The following ESRP2 variants were observed in gnomAD, a reference collection of about 807,000 sequenced individuals.
The protein encoded by ESRP2 is epithelial splicing regulatory protein 2, also known as RNA binding motif protein 35A.
A neutral mutation model predicts 78.6 loss-of-function variants in ESRP2; 48 were observed. That is an observed-to-expected ratio of 0.61 (90% CI 0.48 to 0.78). The LOEUF is 0.78. Ranked by LOEUF, ESRP2 falls within the 30% of genes least tolerant of loss-of-function variation. The probability of loss-of-function intolerance (pLI) is 0.00; values close to 1 mark genes in which losing one functional copy is unlikely to be tolerated. For missense variants in ESRP2, 863 were observed against 965.9 expected, an observed-to-expected ratio of 0.89 and a Z score of 1.41; for synonymous variants, 383 against 406.7, an observed-to-expected ratio of 0.94 and a Z score of 0.70.
In ESRP2 at chr16:68,230,385, T is replaced by G; in HGVS notation, c.2064+4A>C. ...CGCCAGGCCCTCCGGCCACACAATC[T>G]CACCTGGTAGGCCTGGAAGACGCTG... On this transcript the variant is annotated splice_donor_region_variant and intron_variant, in intron 14 of 14. Coordinates refer to ENST00000473183, the MANE Select transcript of ESRP2 (RefSeq NM_024939.3). 6.2e-7 allele frequency: 1 copy of G among 1,613,878 alleles called. No individual in the cohort carries two copies. The highest frequency in any genetic ancestry group is 8.5e-7 in the Non-Finnish European group (1 of 1,179,862).
In ESRP2 at chr16:68,236,022, G is replaced by GGGC. The variant is rs752963598; in HGVS notation, c.21_23dup (p.Pro11dup). 3.5e-5 allele frequency: 51 copies of GGGC among 1,469,376 alleles called. No homozygotes were observed. The South Asian group carries it at 5.5e-4, about 16-fold the overall frequency. The allele number at this position is 1,469,376 out of a possible 1,614,324, so 91.0% of individuals were successfully genotyped here. On this transcript the variant is annotated inframe_insertion, in exon 1 of 15. Transcript: ENST00000473183. This position sits in a 1 kb window ranked among gnomAD's most constrained non-coding sequence, Gnocchi z 5.2. ...CCGCGGGGTCAGGGCCCGGGGGAGG[G>GGGC]GGCGGCGGCGGCGGCGGAGTCATGG...
rs2042144960 is a variant in ESRP2 at position 68,231,845 on chromosome 16, C to T, written c.1256G>A (p.Arg419Gln). ...LRRHKGMLGK[R>Q]YIELFRSTAA... is the part of the protein sequence containing the mutation. ...AGTGCTCCGGAAGAGTTCAATGTAT[C>T]GCTTACCCAGCATGCCCTTGTGCCT... Residue 419 changes from arginine to glutamine, a missense_variant, in exon 10 of 15, where the codon CGA becomes CAA. Coordinates refer to ENST00000473183, the MANE Select transcript of ESRP2 (RefSeq NM_024939.3). This position sits in a 1 kb window ranked among gnomAD's most constrained non-coding sequence, Gnocchi z 6.0. The T allele has an allele frequency of 1.9e-6, 3 of 1,613,900 alleles. No individual in the cohort carries two copies. The highest frequency in any genetic ancestry group is 2.5e-6 in the Non-Finnish European group (3 of 1,179,918).
In ESRP2 at chr16:68,235,795, C is replaced by T; in HGVS notation, c.199-33G>A. On this transcript the variant is annotated intron_variant, in intron 1 of 14. Transcript: ENST00000473183. The surrounding 1 kb of genome is among the most constrained non-coding windows in gnomAD (Gnocchi z 5.5). ...CGGCGGGGGAAACCGATCAGCCGCG[C>T]CCCTCGACCCCGGAAGCTCCCTGGG... is the stretch of plus-strand genomic sequence containing the variant. 1 of 1,609,834 alleles carries T rather than the reference C, an allele frequency of 6.2e-7. No individual in the cohort carries two copies. The highest frequency in any genetic ancestry group is 8.5e-7 in the Non-Finnish European group (1 of 1,178,560).
chr16:68,230,038 C>A lies in ESRP2; in HGVS notation c.*188G>T. On this transcript the variant is annotated 3_prime_UTR_variant, in exon 15 of 15. Transcript: ENST00000473183. ...CCCAGCCCTGCATGCAGGGTCCAGC[C>A]ATTGTCTTTGGGGGAAACAGGCAGA... The A allele has an allele frequency of 1.6e-6, 1 of 623,654 alleles. No homozygotes were observed. The allele number at this position is 623,654 out of a possible 1,614,324, so 38.6% of individuals were successfully genotyped here. A position where few individuals can be genotyped will look rare whatever the true frequency, so the allele number is the denominator to read the frequency against.
Position 68,235,563 on chromosome 16 carries a change from C to G in ESRP2, c.327+71G>C, listed in dbSNP as rs999564909. 3.8e-6 allele frequency: 6 copies of G among 1,574,716 alleles called. No individual in the cohort carries two copies. The African/African-American group carries it at 5.4e-5, about 14-fold the overall frequency. On this transcript the variant is annotated intron_variant, in intron 2 of 14. Coordinates refer to ENST00000473183, the MANE Select transcript of ESRP2 (RefSeq NM_024939.3). The surrounding 1 kb of genome is among the most constrained non-coding windows in gnomAD (Gnocchi z 5.5). The stretch of plus-strand genomic sequence containing the variant: ...GTTGGTTGCGGCACGCCAGGCCTAG[C>G]CTCCGGCCGCCAATCCCGCCCAGAA...
In ESRP2 at chr16:68,235,709, C is replaced by A. The variant is rs2042216680; in HGVS notation, c.252G>T (p.Thr84=). Reference sequence around the variant, plus strand: ...TCAGGCCGCTCGCCTCGCGGCACTGCGTACTCAGTGCGGCCGCCTCGGCAC... The same window carrying A: ...TCAGGCCGCTCGCCTCGCGGCACTGAGTACTCAGTGCGGCCGCCTCGGCAC... ...LVRAEAAALS[T]QCREASGLSA... The change falls in exon 2 of 15, where the codon ACG becomes ACT. Residue 84 remains threonine (T), a synonymous_variant. Coordinates refer to ENST00000473183, the MANE Select transcript of ESRP2 (RefSeq NM_024939.3). This position sits in a 1 kb window ranked among gnomAD's most constrained non-coding sequence, Gnocchi z 5.5. The A allele has an allele frequency of 6.2e-6, 10 of 1,603,904 alleles. No individual in the cohort carries two copies. Among genetic ancestry groups the A allele is most frequent in the Non-Finnish European group, 8.5e-6 (10 of 1,178,868 alleles).
Position 68,229,969 on chromosome 16 carries a change from A to C in ESRP2, c.*257T>G. The stretch of plus-strand genomic sequence containing the variant: ...AAGGGCTCTCCAGGTGCCAGTCAAG[A>C]TGCCTGGCTCAGGCCATCAGGAGCT... On this transcript the variant is annotated 3_prime_UTR_variant, in exon 15 of 15. Coordinates refer to ENST00000473183, the MANE Select transcript of ESRP2 (RefSeq NM_024939.3). 1.9e-6 allele frequency: 1 copy of C among 539,378 alleles called. No individual in the cohort carries two copies. The highest frequency in any genetic ancestry group is 3.1e-5 in the Admixed American group (1 of 32,528). 33.4% of individuals were successfully genotyped at this position (539,378 alleles called of 1,614,324 possible).
rs2042149337 is a variant in ESRP2 at position 68,232,108 on chromosome 16, G to T, written c.998-5C>A. On this transcript the variant is annotated splice_polypyrimidine_tract_variant and splice_region_variant and intron_variant, in intron 9 of 14. Coordinates refer to ENST00000473183, the MANE Select transcript of ESRP2 (RefSeq NM_024939.3). The surrounding 1 kb of genome is among the most constrained non-coding windows in gnomAD (Gnocchi z 5.2). ...GAGCCACCTCTAGTGATGTGCCTGTGTATGAGAGTCGCCTGCTGACTTCAC... is the reference window on the plus strand; with the variant it reads ...GAGCCACCTCTAGTGATGTGCCTGTTTATGAGAGTCGCCTGCTGACTTCAC... 1.2e-6 allele frequency: 2 copies of T among 1,611,342 alleles called. No homozygotes were observed. The highest frequency in any genetic ancestry group is 2.2e-5 in the South Asian group (2 of 90,948).
rs745339188 is a variant in ESRP2, at chr16:68,231,314, A to G, written c.1575T>C (p.Ala525=). ...TCATCACCTTCTTATGGCAACGCTG[A>G]GCAGCAGCTAGGGCTCGCTCTGCTG... ...MTSAERALAA[A]QRCHKKVMKE... The change falls in exon 12 of 15, where the codon GCT becomes GCC. Residue 525 remains alanine, a synonymous_variant. Coordinates refer to ENST00000473183, the MANE Select transcript of ESRP2 (RefSeq NM_024939.3). This position sits in a 1 kb window ranked among gnomAD's most constrained non-coding sequence, Gnocchi z 6.0. 5.0e-6 allele frequency: 8 copies of G among 1,614,150 alleles called. No homozygotes were observed. The highest frequency in any genetic ancestry group is 4.2e-6 in the Non-Finnish European group (5 of 1,180,002).
rs781429565 is a variant in ESRP2 at position 68,231,868 on chromosome 16, C to T, written c.1233G>A (p.Arg411=). The change falls in exon 10 of 15, where the codon AGG becomes AGA. Residue 411 remains arginine, a synonymous_variant. Transcript: ENST00000473183. This position sits in a 1 kb window ranked among gnomAD's most constrained non-coding sequence, Gnocchi z 6.0. Reference sequence around the variant, plus strand: ...ATCGCTTACCCAGCATGCCCTTGTGCCTGCGCAGTGCAGCCTGTGCCAGCT... The same window carrying T: ...ATCGCTTACCCAGCATGCCCTTGTGTCTGCGCAGTGCAGCCTGTGCCAGCT... ...CEELAQAALR[R]HKGMLGKRYI... is the part of the protein sequence containing the mutation. The T allele has an allele frequency of 6.2e-7, 1 of 1,613,956 alleles. No individual in the cohort carries two copies. The highest frequency in any genetic ancestry group is 2.2e-5 in the East Asian group (1 of 44,858).
In ESRP2 at chr16:68,235,694, C is replaced by A. The variant is rs755727480; in HGVS notation, c.267G>T (p.Ala89=). The change falls in exon 2 of 15, where the codon GCG becomes GCT. Residue 89 remains alanine (A), a synonymous_variant. Transcript: ENST00000473183. This position sits in a 1 kb window ranked among gnomAD's most constrained non-coding sequence, Gnocchi z 5.5. The stretch of plus-strand genomic sequence containing the variant: ...CCAGGCTGTCGGCGCTCAGGCCGCT[C>A]GCCTCGCGGCACTGCGTACTCAGTG... ...AAALSTQCRE[A]SGLSADSLAR... 8 of 1,600,510 alleles carry A rather than the reference C, an allele frequency of 5.0e-6. No homozygotes were observed. The highest frequency in any genetic ancestry group is 1.7e-5 in the Admixed American group (1 of 59,802).
rs1181996101 is a variant in ESRP2 at position 68,235,665 on chromosome 16, C to T, written c.296G>A (p.Arg99Gln). ...CAGCACCTTGTCCAGCGGCTCTGCC[C>T]GCGCCAGGCTGTCGGCGCTCAGGCC... is the stretch of plus-strand genomic sequence containing the variant. The part of the protein sequence containing the change: ...ASGLSADSLA[R>Q]AEPLDKVLQQ... Residue 99 changes from arginine to glutamine, a missense_variant, in exon 2 of 15, where the codon CGG (arginine) becomes CAG (glutamine). Arg to Gln is a conservative substitution (Grantham distance 43). Coordinates refer to ENST00000473183, the MANE Select transcript of ESRP2 (RefSeq NM_024939.3). This position sits in a 1 kb window ranked among gnomAD's most constrained non-coding sequence, Gnocchi z 5.5. The T allele has an allele frequency of 1.9e-6, 3 of 1,597,950 alleles. No individual in the cohort carries two copies. The highest frequency in any genetic ancestry group is 1.7e-6 in the Non-Finnish European group (2 of 1,178,614).
chr16:68,232,604 C>T lies in ESRP2; in HGVS notation c.794G>A (p.Arg265His), dbSNP rs748645452. ...PWQSSDQDVA[R>H]FFKGLNVARG... ...GGCCACGTTGAGCCCTTTGAAGAAGCGAGCCACGTCCTGGTCTGATGACTG... is the reference window on the plus strand; with the variant it reads ...GGCCACGTTGAGCCCTTTGAAGAAGTGAGCCACGTCCTGGTCTGATGACTG... The change falls in exon 7 of 15, where the codon CGC becomes CAC. Residue 265 changes from arginine to histidine, a missense_variant. By Grantham distance (29) the Arg-to-His change is conservative. Coordinates refer to ENST00000473183, the MANE Select transcript of ESRP2 (RefSeq NM_024939.3). This position sits in a 1 kb window ranked among gnomAD's most constrained non-coding sequence, Gnocchi z 5.2. 29 of 1,614,028 alleles carry T rather than the reference C, an allele frequency of 1.8e-5. No homozygotes were observed. The highest frequency in any genetic ancestry group is 1.1e-4 in the African/African-American group (8 of 74,912).
In ESRP2 at chr16:68,236,036, G is replaced by A. The variant is rs1490590250; in HGVS notation, c.10C>T (p.Pro4Ser). The A allele has an allele frequency of 2.7e-5, 39 of 1,450,980 alleles. No individual in the cohort carries two copies. The highest frequency in any genetic ancestry group is 3.4e-5 in the Non-Finnish European group (38 of 1,113,662). 89.9% of individuals were successfully genotyped at this position (1,450,980 alleles called of 1,614,324 possible). A position where few individuals can be genotyped will look rare whatever the true frequency, so the allele number is the denominator to read the frequency against. Reference protein sequence around the residue: MTPPPPPPPPPGPD... With the variant: MTPSPPPPPPPGPD... The stretch of plus-strand genomic sequence containing the variant: ...CCCGGGGGAGGGGGCGGCGGCGGCG[G>A]CGGAGTCATGGCCGCAGAGGAAGGG... The change falls in exon 1 of 15, where the codon CCG becomes TCG. Residue 4 changes from proline (P) to serine (S), a missense_variant. Coordinates refer to ENST00000473183, the MANE Select transcript of ESRP2 (RefSeq NM_024939.3). The surrounding 1 kb of genome is among the most constrained non-coding windows in gnomAD (Gnocchi z 5.2).
rs1476092953 is a variant in ESRP2, at chr16:68,230,539, G to T, written c.1914C>A (p.Pro638=). ...TAYYPSPPVS[P]TTVGYLTTPT... ...GTGTAGTGAGGTAGCCCACAGTGGT[G>T]GGGGAGACTGGGGGGCTAGGGTGGG... is the stretch of plus-strand genomic sequence containing the variant. The change falls in exon 14 of 15, where the codon CCC becomes CCA. Residue 638 remains proline, a synonymous_variant. Transcript: ENST00000473183. The T allele has an allele frequency of 1.3e-6, 2 of 1,571,642 alleles. No individual in the cohort carries two copies. Among genetic ancestry groups the T allele is most frequent in the African/African-American group, 1.4e-5 (1 of 74,010 alleles).
At position 68,230,523 on chromosome 16, in the gene ESRP2, G is replaced by A. The variant is rs1452097892; in HGVS notation, c.1930C>T (p.Leu644Phe). ...PPVSPTTVGY[L>F]TTPTAALASA... ...GCCAGGGCAGCAGTGGGTGTAGTGA[G>A]GTAGCCCACAGTGGTGGGGGAGACT... The change falls in exon 14 of 15, where the codon CTC (leucine) becomes TTC (phenylalanine). Residue 644 changes from leucine to phenylalanine, a missense_variant. Coordinates refer to ENST00000473183, the MANE Select transcript of ESRP2 (RefSeq NM_024939.3). The A allele has an allele frequency of 3.1e-6, 5 of 1,593,696 alleles. No individual in the cohort carries two copies. In the East Asian group the frequency reaches 1.1e-4, roughly 36 times the overall value.
chr16:68,233,497 C>A, intron 4 of ESRP2, 72 bp from the exon 5 acceptor site: 1 of 1,151,972 alleles, frequency 8.7e-7, no homozygotes, highest in Non-Finnish European at 1.3e-6. Flanking sequence ...GGGCCCAACT[C>A]CCCTCCATAG....
At chr16:68,233,261 G>A in intron 5 of ESRP2, 66 bp downstream of exon 5, 1 of 1,087,386 alleles carries the variant, frequency 9.2e-7, no homozygotes, top group Non-Finnish European at 1.4e-6. Context: ...GAAGGTCACA[G>A]TGGGGAGGAG....
chr16:68,232,455 C>A lies in ESRP2; in HGVS notation c.870G>T (p.Glu290Asp), dbSNP rs529383734. The A allele has an allele frequency of 6.2e-7, 1 of 1,614,110 alleles. No individual in the cohort carries two copies. The highest frequency in any genetic ancestry group is 1.3e-5 in the African/African-American group (1 of 75,034). Residue 290 changes from glutamate (E) to aspartate (D), a missense_variant, in exon 8 of 15, where the codon GAG becomes GAT. Transcript: ENST00000473183. The surrounding 1 kb of genome is among the most constrained non-coding windows in gnomAD (Gnocchi z 5.2). ...CGCTGTCCACAAAGCGGATGAGGGC[C>A]TCGCCATTTCTGCGGCCCTGGGCGT... ...CLNAQGRRNG[E>D]ALIRFVDSEQ...
Sources: allele counts gnomAD v4.1 joint callset, GRCh38; gene constraint gnomAD v4.1.1; non-coding constraint Gnocchi (gnomAD v3.1); transcripts MANE v1.5; gene names NCBI Gene and HGNC (gene_info 2026-07-23, HGNC 2026-07-21).